Variants in MDGA2 observed in about 807,000 individuals in gnomAD.
MDGA2 encodes MAM domain-containing glycosylphosphatidylinositol anchor protein 2.
Under a neutral mutation model 117.8 loss-of-function variants are expected in MDGA2, and 40 were observed. That is an observed-to-expected ratio of 0.34 (90% CI 0.26 to 0.44). MDGA2 has a LOEUF of 0.44. Ranked by LOEUF, MDGA2 falls within the 20% of genes least tolerant of loss-of-function variation. MDGA2 has a pLI of 1.00. For synonymous variants in MDGA2, 452 were observed against 439.0 expected, an observed-to-expected ratio of 1.03 and a Z score of -0.37; for missense variants, 1,123 against 1,250.6, an observed-to-expected ratio of 0.90 and a Z score of 1.54.
intron 1 of MDGA2, among the ~76,000 whole-genome samples, chr14:47,449,187 T>C (rs1343243038): frequency 6.6e-6 from 1 of 152,102 alleles, no homozygotes; most frequent in Non-Finnish European, 1.5e-5. Flanking sequence ...GCATATGGCA[T>C]TTTTTTGTTC....
intron 3 of MDGA2, among the ~76,000 whole-genome samples, chr14:47,175,637 A>G (rs1311793352): frequency 6.6e-6 from 1 of 151,982 alleles, no homozygotes; most frequent in East Asian, 1.9e-4. Context: ...TTACATATTG[A>G]TGGGACGTAT....
chr14:47,364,426 A>G (rs1891188049), intron 1 of MDGA2, among the ~76,000 whole-genome samples: 2 of 152,130 alleles, frequency 1.3e-5, no homozygotes, highest in South Asian at 2.1e-4. Flanking sequence ...CACCACGCCC[A>G]GCTAATTTTT....
chr14:46,934,317 T>C (rs759235745), intron 9 of MDGA2, among the ~76,000 whole-genome samples: 1 of 152,040 alleles, frequency 6.6e-6, no homozygotes, highest in East Asian at 1.9e-4. Flanking sequence ...ACTAAAAACA[T>C]GGACTTATGG....
chr14:46,924,497 T>C (rs541091120), intron 9 of MDGA2, among the ~76,000 whole-genome samples: 19 of 152,214 alleles, frequency 1.2e-4, no homozygotes, highest in African/African-American at 4.3e-4. Context: ...AAATAGACTG[T>C]ATGAATATAA....
chr14:47,210,094 A>G (rs1384650997), intron 3 of MDGA2, among the ~76,000 whole-genome samples: 1 of 152,188 alleles, frequency 6.6e-6, no homozygotes, highest in Non-Finnish European at 1.5e-5. Context: ...TCTTTCTAAC[A>G]CAGGTAAATT....
chr14:47,375,732 C>T (rs982315205), intron 1 of MDGA2, among the ~76,000 whole-genome samples: 14 of 152,024 alleles, frequency 9.2e-5, no homozygotes, highest in African/African-American at 3.4e-4. Context: ...CATTTTCTAA[C>T]CTCTAGAACA....
intron 8 of MDGA2, among the ~76,000 whole-genome samples, chr14:46,962,847 T>G (rs1885865336): frequency 6.6e-6 from 1 of 152,072 alleles, no homozygotes; most frequent in African/African-American, 2.4e-5. Flanking sequence ...TATAATCACT[T>G]ATGGGGTTAG....
intron 1 of MDGA2, among the ~76,000 whole-genome samples, chr14:47,652,921 G>A (rs1030608707): frequency 4.6e-5 from 7 of 152,096 alleles, no homozygotes; most frequent in African/African-American, 1.4e-4. Context: ...TGACCTGTGT[G>A]GCCCAGATTC....
In MDGA2 at chr14:47,076,578, G is replaced by GTA. The variant is rs1890504393; in HGVS notation, c.1196-15001_1196-15000insTA. On this transcript the variant is annotated intron_variant, in intron 6 of 16. Coordinates refer to ENST00000399232, the MANE Select transcript of MDGA2 (RefSeq NM_001113498.3). ...GTGTGTTATGTGTGTGTGTGTGTGT[G>GTA]TGTGTGTGTATTACCCAACCAATAA... 2.0e-5 allele frequency among the ~76,000 whole-genome samples: 3 copies of GTA among 150,432 alleles called. No individual in the cohort carries two copies. The South Asian group carries it at 6.2e-4, about 31-fold the overall frequency.
Position 47,595,917 on chromosome 14 carries a change from C to T in MDGA2, c.280+78600G>A, listed in dbSNP as rs539108978. On this transcript the variant is annotated intron_variant, in intron 1 of 16. Transcript: ENST00000399232. ...GAACAAATCTGACTTTAATAAGATC[C>T]CCATAGGGAATGAAACAAGCCAAAT... Among the ~76,000 whole-genome samples, 437 of 152,138 alleles carry T rather than the reference C, an allele frequency of 2.9e-3. 2 individuals are homozygous for T. The highest frequency in any genetic ancestry group is 0.01 in the Middle Eastern group (3 of 294).
intron 2 of MDGA2, among the ~76,000 whole-genome samples, chr14:47,273,050 A>G (rs17653818): frequency 0.091 from 13,814 of 152,020 alleles, 775 homozygotes; most frequent in Non-Finnish European, 0.11. Flanking sequence ...CACGGGTTGG[A>G]TCTCTTGACC....
chr14:47,064,275 C>T (rs1889999592), intron 6 of MDGA2, among the ~76,000 whole-genome samples: 1 of 151,946 alleles, frequency 6.6e-6, no homozygotes, highest in East Asian at 1.9e-4. Flanking sequence ...TTGTACTAGT[C>T]TTCTGAATGA....
chr14:47,424,572 A>T (rs943479131), intron 1 of MDGA2, among the ~76,000 whole-genome samples: 7 of 152,166 alleles, frequency 4.6e-5, no homozygotes, highest in African/African-American at 1.7e-4. Context: ...CTTGGCACAT[A>T]CAATTATGAG....
intron 14 of MDGA2, among the ~76,000 whole-genome samples, chr14:46,859,139 A>G (rs2138315214): frequency 6.6e-6 from 1 of 152,262 alleles, no homozygotes; most frequent in South Asian, 2.1e-4. Context: ...GAGAATGTCT[A>G]GAGAAGGCCT....
At chr14:47,078,569 G>C (rs1302766823) in intron 6 of MDGA2, among the ~76,000 whole-genome samples, 1 of 152,078 alleles carries the variant, frequency 6.6e-6, no homozygotes, top group African/African-American at 2.4e-5. Context: ...ACCAACCTAT[G>C]TACCTGTTTT....
intron 1 of MDGA2, among the ~76,000 whole-genome samples, chr14:47,591,006 T>G (rs966252977): frequency 1.5e-4 from 23 of 152,040 alleles, no homozygotes; most frequent in African/African-American, 5.6e-4. Context: ...AAAGTCAATT[T>G]AACCCAATTA....
intron 1 of MDGA2, among the ~76,000 whole-genome samples, chr14:47,579,545 T>A (rs1011569889): frequency 2.0e-5 from 3 of 152,064 alleles, no homozygotes; most frequent in Non-Finnish European, 4.4e-5. Context: ...GAAACAGCAA[T>A]GTGTTTCAAG....
intron 7 of MDGA2, among the ~76,000 whole-genome samples, chr14:47,045,667 T>C (rs930119402): frequency 1.4e-4 from 22 of 152,162 alleles, no homozygotes; most frequent in East Asian, 1.9e-4. Flanking sequence ...CTGGATTTGC[T>C]ATAACAAGAA....
intron 6 of MDGA2, 89 bp downstream of exon 6, chr14:47,096,765 T>G: frequency 7.9e-7 from 1 of 1,258,994 alleles, no homozygotes; most frequent in South Asian, 1.3e-5. Context: ...CATGCAATAT[T>G]TGAGGAGGTA....
Sources: allele counts gnomAD v4.1 joint callset (sites outside exome capture counted in the v4.1 genomes callset), GRCh38; gene constraint gnomAD v4.1.1; transcripts MANE v1.5; gene names NCBI Gene and HGNC (gene_info 2026-07-23, HGNC 2026-07-21).